CSMD1: variants seen among roughly 807,000 people sequenced by gnomAD.
CSMD1 encodes CUB and Sushi multiple domains 1.
In CSMD1, 213 loss-of-function variants were observed where a neutral mutation model predicts 417.5. That is an observed-to-expected ratio of 0.51 (90% CI 0.46 to 0.57). The LOEUF (loss-of-function observed/expected upper bound fraction) is 0.57. Ranked by LOEUF, CSMD1 falls within the 20% of genes least tolerant of loss-of-function variation. CSMD1 has a pLI of 0.00. For missense variants in CSMD1, 6,923 were observed against 4,529.7 expected, an observed-to-expected ratio of 1.53 and a Z score of -15.17; for synonymous variants, 2,862 against 1,736.8, an observed-to-expected ratio of 1.65 and a Z score of -16.11.
chr8:3,670,572 A>G (rs1183360435), intron 7 of CSMD1, among the ~76,000 whole-genome samples: 1 of 147,058 alleles, frequency 6.8e-6, no homozygotes, highest in African/African-American at 2.5e-5. Flanking sequence ...CGATATATAT[A>G]TATGGGATAT....
rs148379903 is a variant in CSMD1 at position 3,783,435 on chromosome 8, C to G, written c.819-29393G>C. On this transcript the variant is annotated intron_variant, in intron 5 of 69. Transcript: ENST00000635120. ...TCAGGCGGCCCTGGGCGGCCCTATG[C>G]TGATGGCAGGTCGGGAGCACAGAAG... Among the ~76,000 whole-genome samples the G allele has an allele frequency of 6.7e-3, 1,024 of 152,274 alleles. 7 individuals are homozygous for G. Among genetic ancestry groups the G allele is most frequent in the African/African-American group, 0.023 (941 of 41,564 alleles).
At position 4,235,045 on chromosome 8, in the gene CSMD1, T is replaced by C. The variant is rs1171863917; in HGVS notation, c.415+184908A>G. Among the ~76,000 whole-genome samples, 2 of 152,144 alleles carry C rather than the reference T, an allele frequency of 1.3e-5. 1 individual carries two copies. Among genetic ancestry groups the C allele is most frequent in the Non-Finnish European group, 2.9e-5 (2 of 68,028 alleles). On this transcript the variant is annotated intron_variant, in intron 3 of 69. Transcript: ENST00000635120. ...GGGAGTTAAGTCTTCAACATTCGAA[T>C]TTAAGGGGACGCATTCCATCCATAG...
chr8:3,406,122 T>C lies in CSMD1; in HGVS notation c.2171A>G (p.Asp724Gly). 3 of 1,613,838 alleles carry C rather than the reference T, an allele frequency of 1.9e-6. No homozygotes were observed. Among genetic ancestry groups the C allele is most frequent in the Non-Finnish European group, 2.5e-6 (3 of 1,179,878 alleles). Residue 724 changes from aspartate (D) to glycine (G), a missense_variant, in exon 15 of 70, where the codon GAT becomes GGT. Asp to Gly is a moderately conservative substitution (Grantham distance 94). Coordinates refer to ENST00000635120, the MANE Select transcript of CSMD1 (RefSeq NM_033225.6). ...TCCCTGGGTCTTGACAAAGCCATCA[T>C]CACAGTGGAAAGAAACCGAGCTCCC... ...LLGSSVSFHC[D>G]DGFVKTQGSE...
At chr8:3,767,292 G>A (rs1798325416) in intron 5 of CSMD1, among the ~76,000 whole-genome samples, 1 of 152,236 alleles carries the variant, frequency 6.6e-6, no homozygotes, top group Non-Finnish European at 1.5e-5. Context: ...TGCACACTCT[G>A]CAATGGTGTG....
intron 7 of CSMD1, among the ~76,000 whole-genome samples, chr8:3,700,903 T>C (rs529881674): frequency 6.6e-6 from 1 of 152,010 alleles, no homozygotes; most frequent in Admixed American, 6.6e-5. Context: ...TCTACTGATA[T>C]TTCACCCAGA....
At chr8:3,949,845 G>T in intron 5 of CSMD1, 1 of 451,230 alleles carries the variant, frequency 2.2e-6, no homozygotes. Flanking sequence ...TTGATTGAGG[G>T]GATCCCTGGG....
chr8:3,369,193 G>T (rs1479970235), intron 19 of CSMD1, 61 bp downstream of exon 19: 6 of 791,840 alleles, frequency 7.6e-6, no homozygotes, highest in Middle Eastern at 2.3e-4. Context: ...TTTTTGTTTT[G>T]TTCCCGTTTT....
intron 5 of CSMD1, among the ~76,000 whole-genome samples, chr8:3,766,614 C>T (rs188470507): frequency 1.3e-5 from 2 of 151,840 alleles, no homozygotes; most frequent in Non-Finnish European, 2.9e-5. Context: ...ACACAGAGAT[C>T]TCTATAATAA....
At chr8:4,499,037 G>C (rs1404738579) in intron 2 of CSMD1, among the ~76,000 whole-genome samples, 1 of 152,070 alleles carries the variant, frequency 6.6e-6, no homozygotes, top group Non-Finnish European at 1.5e-5. Context: ...GAAATATCTA[G>C]TACAGATCTC....
At chr8:3,224,859 G>T (rs890891463) in intron 27 of CSMD1, among the ~76,000 whole-genome samples, 4 of 152,152 alleles carry the variant, frequency 2.6e-5, no homozygotes, top group African/African-American at 9.7e-5. Flanking sequence ...TGAAAACACT[G>T]CCGAATTTAT....
intron 1 of CSMD1, among the ~76,000 whole-genome samples, chr8:4,991,736 G>A (rs988586518): frequency 2.0e-5 from 3 of 152,204 alleles, no homozygotes; most frequent in African/African-American, 7.2e-5. Context: ...TGCTAGGCAA[G>A]GGGAACGCGA....
chr8:3,149,745 AATT>A (rs1819078042), intron 40 of CSMD1, among the ~76,000 whole-genome samples: 1 of 152,098 alleles, frequency 6.6e-6, no homozygotes. Context: ...CAATAGCCAG[AATT>A]ATTATAATTA....
chr8:4,691,128 G>C (rs1806740397), intron 1 of CSMD1, among the ~76,000 whole-genome samples: 1 of 152,182 alleles, frequency 6.6e-6, no homozygotes, highest in Non-Finnish European at 1.5e-5. Context: ...TGAAATAGCA[G>C]AGGACATTTT....
At chr8:4,091,109 G>T (rs557771812) in intron 3 of CSMD1, among the ~76,000 whole-genome samples, 1 of 151,890 alleles carries the variant, frequency 6.6e-6, no homozygotes, top group Non-Finnish European at 1.5e-5. Context: ...AGTAGAGATG[G>T]GGTTTCACCA....
intron 1 of CSMD1, among the ~76,000 whole-genome samples, chr8:4,872,382 A>T (rs747839989): frequency 2.6e-5 from 4 of 151,996 alleles, no homozygotes; most frequent in Non-Finnish European, 5.9e-5. Context: ...GAATCATGGG[A>T]GTGGTTTCCC....
chr8:3,738,797 G>A (rs34243690), intron 6 of CSMD1, among the ~76,000 whole-genome samples: 141,946 of 152,210 alleles, frequency 0.93, 67,015 homozygotes, highest in Non-Finnish European at 1. Context: ...GCACTATACA[G>A]ATAGGCTCAC....
intron 49 of CSMD1, among the ~76,000 whole-genome samples, chr8:3,083,861 T>G (rs532566842): frequency 1.5e-3 from 230 of 151,598 alleles, no homozygotes; most frequent in Non-Finnish European, 2.9e-3. Context: ...GGTTTCACCA[T>G]GTTGCCCAGG....
chr8:4,053,422 C>A (rs751076044), intron 3 of CSMD1, among the ~76,000 whole-genome samples: 2 of 151,866 alleles, frequency 1.3e-5, no homozygotes, highest in African/African-American at 2.4e-5. Flanking sequence ...GCTCCCACCA[C>A]CTGCTTTTTA....
intron 7 of CSMD1, among the ~76,000 whole-genome samples, chr8:3,707,909 G>A (rs961567222): frequency 6.6e-6 from 1 of 152,086 alleles, no homozygotes; most frequent in African/African-American, 2.4e-5. Flanking sequence ...ACCAGGTCCT[G>A]GGCACGTGCA....
Sources: allele counts gnomAD v4.1 joint callset (sites outside exome capture counted in the v4.1 genomes callset), GRCh38; gene constraint gnomAD v4.1.1; transcripts MANE v1.5; gene names NCBI Gene and HGNC (gene_info 2026-07-23, HGNC 2026-07-21).